NMRK1: variants seen among roughly 807,000 people sequenced by gnomAD.
The protein encoded by NMRK1 is NRK 1.
In NMRK1, 28 loss-of-function variants were observed where a neutral mutation model predicts 29.9. The ratio of observed to expected loss-of-function variants is 0.94; its 90% CI spans 0.69 to 1.28. NMRK1 has a LOEUF of 1.28. NMRK1 is among the 50% of genes most tolerant of loss of function. The probability of loss-of-function intolerance (pLI) is 0.00; values close to 1 mark genes in which losing one functional copy is unlikely to be tolerated. For missense variants in NMRK1, 218 were observed against 233.1 expected, an observed-to-expected ratio of 0.94 and a Z score of 0.42; for synonymous variants, 58 against 73.0, an observed-to-expected ratio of 0.79 and a Z score of 1.05.
intron 1 of NMRK1, among the ~76,000 whole-genome samples, chr9:75,087,099 G>A (rs1187251303): frequency 2.6e-5 from 4 of 151,964 alleles, no homozygotes. Flanking sequence ...TAGAGATCGG[G>A]TTTCACCAGG....
At chr9:75,067,953 T>A (rs1348338377) in intron 7 of NMRK1, among the ~76,000 whole-genome samples, 1 of 152,226 alleles carries the variant, frequency 6.6e-6, no homozygotes, top group Non-Finnish European at 1.5e-5. Flanking sequence ...TTGAGTGCCC[T>A]ATTCCAGTGA....
At chr9:75,068,687 T>C (rs563961250) in intron 7 of NMRK1, among the ~76,000 whole-genome samples, 1 of 152,336 alleles carries the variant, frequency 6.6e-6, no homozygotes, top group East Asian at 1.9e-4. Flanking sequence ...CTGGTATCTC[T>C]AGCACCTGTT....
In NMRK1 at chr9:75,069,648, C is replaced by T. The variant is rs41287439; in HGVS notation, c.389+94G>A. On this transcript the variant is annotated intron_variant, in intron 6 of 8. Transcript: ENST00000361092. ...AAGGCTTCCTGTCTCTGAAAAATGACGTATACGCATTGCTCAATAATGTTG... is the reference window on the plus strand; with the variant it reads ...AAGGCTTCCTGTCTCTGAAAAATGATGTATACGCATTGCTCAATAATGTTG... 3.7e-3 allele frequency: 3,402 copies of T among 925,674 alleles called. 36 individuals are homozygous for T. Among genetic ancestry groups the T allele is most frequent in the South Asian group, 0.025 (1,769 of 69,522 alleles). 57.3% of individuals were successfully genotyped at this position (925,674 alleles called of 1,614,324 possible).
intron 7 of NMRK1, chr9:75,067,283 A>T (rs1385302347): frequency 1.9e-5 from 3 of 156,852 alleles, no homozygotes; most frequent in African/African-American, 7.2e-5. Flanking sequence ...ACATATGTAC[A>T]AACTCAGAAT....
At chr9:75,078,677 T>C in intron 2 of NMRK1, 1 of 484,902 alleles carries the variant, frequency 2.1e-6, no homozygotes, top group Non-Finnish European at 2.9e-6. Flanking sequence ...GCATCTCCTT[T>C]AATTATAAAT....
intron 1 of NMRK1, among the ~76,000 whole-genome samples, chr9:75,087,352 C>G (rs1211658166): frequency 6.6e-6 from 1 of 152,064 alleles, no homozygotes; most frequent in Non-Finnish European, 1.5e-5. Flanking sequence ...TGCTCCAGTT[C>G]TTTCCTCCCA....
chr9:75,073,008 A>G (rs1360203537), intron 4 of NMRK1, among the ~76,000 whole-genome samples: 2 of 152,226 alleles, frequency 1.3e-5, no homozygotes, highest in Non-Finnish European at 2.9e-5. Context: ...TATGAGTTGA[A>G]TGCGTCCCCC....
At chr9:75,075,353 G>A (rs1823927446) in intron 4 of NMRK1, among the ~76,000 whole-genome samples, 1 of 151,272 alleles carries the variant, frequency 6.6e-6, no homozygotes, top group Non-Finnish European at 1.5e-5. Flanking sequence ...AGGAAGAGAA[G>A]AAAAAAAAAA....
At chr9:75,067,521 T>C (rs3780175) in intron 7 of NMRK1, among the ~76,000 whole-genome samples, 21,076 of 152,078 alleles carry the variant, frequency 0.14, 1,824 homozygotes, top group Non-Finnish European at 0.19. Flanking sequence ...ATGGCTAGAA[T>C]ATGGGGAAGC....
chr9:75,063,962 G>GT lies in NMRK1; in HGVS notation c.581-2396dup, dbSNP rs148390503. Among the ~76,000 whole-genome samples the GT allele has an allele frequency of 8.9e-4, 101 of 113,376 alleles. 2 individuals carry two copies. The East Asian group carries it at 0.019, about 22-fold the overall frequency. The allele number at this position is 113,376 out of a possible 152,430, so 74.4% of individuals were successfully genotyped here. ...ATTTCTGTTTTTATCCCTCTTTTAA[G>GT]TTTTTTTTTTAAACTTTAACTAATA... On this transcript the variant is annotated intron_variant, in intron 8 of 8. Transcript: ENST00000361092.
intron 8 of NMRK1, among the ~76,000 whole-genome samples, chr9:75,063,300 C>T (rs796139374): frequency 2.6e-4 from 20 of 75,936 alleles, no homozygotes; most frequent in East Asian, 1.4e-3. Context: ...AGCGAGACTC[C>T]ATCTCAAAAA....
At chr9:75,079,571 G>C (rs1168766614) in intron 2 of NMRK1, among the ~76,000 whole-genome samples, 1 of 152,172 alleles carries the variant, frequency 6.6e-6, no homozygotes, top group East Asian at 1.9e-4. Flanking sequence ...AGCCTTGGAG[G>C]AGACAGATCG....
chr9:75,077,639 CTT>C (rs60305501), intron 2 of NMRK1, 59 bp from the exon 3 acceptor site: 25,760 of 858,334 alleles, frequency 0.03, 1 homozygote, highest in East Asian at 0.049. Context: ...TCATTAAACA[CTT>C]TTTTTTTTTT....
intron 2 of NMRK1, among the ~76,000 whole-genome samples, chr9:75,079,912 T>C (rs1174127885): frequency 6.6e-6 from 1 of 152,188 alleles, no homozygotes; most frequent in Non-Finnish European, 1.5e-5. Context: ...GTGCCCAGCA[T>C]GCATTCTGTC....
chr9:75,076,237 A>G (rs1158931545), intron 4 of NMRK1, among the ~76,000 whole-genome samples: 1 of 152,282 alleles, frequency 6.6e-6, no homozygotes, highest in Admixed American at 6.5e-5. Flanking sequence ...ATGGAATATC[A>G]TGCAGCCTTA....
chr9:75,069,436 T>C (rs1823563685), intron 6 of NMRK1: 1 of 473,940 alleles, frequency 2.1e-6, no homozygotes, highest in Non-Finnish European at 3.7e-6. Flanking sequence ...TTGGTGTTCT[T>C]TGTAGCTGTG....
At chr9:75,084,811 G>C (rs937776337) in intron 1 of NMRK1, among the ~76,000 whole-genome samples, 5 of 152,144 alleles carry the variant, frequency 3.3e-5, no homozygotes, top group South Asian at 4.1e-4. Flanking sequence ...TAAAATAGCA[G>C]ACAAGTTGCA....
At chr9:75,080,566 C>T (rs1194229669) in intron 2 of NMRK1, among the ~76,000 whole-genome samples, 1 of 152,118 alleles carries the variant, frequency 6.6e-6, no homozygotes, top group Non-Finnish European at 1.5e-5. Context: ...GCAGGAGAAT[C>T]GCTTGAACCC....
At chr9:75,082,862 G>T in intron 2 of NMRK1, 1 of 530,576 alleles carries the variant, frequency 1.9e-6, no homozygotes. Flanking sequence ...TGGGAAAGTG[G>T]GTAAATGTGG....
Sources: allele counts gnomAD v4.1 joint callset (sites outside exome capture counted in the v4.1 genomes callset), GRCh38; gene constraint gnomAD v4.1.1; transcripts MANE v1.5; gene names NCBI Gene and HGNC (gene_info 2026-07-23, HGNC 2026-07-21).